Variants in COBL observed in about 807,000 individuals in gnomAD.
The protein encoded by COBL is protein cordon-bleu.
A neutral mutation model predicts 98.8 loss-of-function variants in COBL; 51 were observed. That is an observed-to-expected ratio of 0.52 (90% confidence interval 0.41 to 0.65). The LOEUF (loss-of-function observed/expected upper bound fraction) is 0.65, where lower values mean the gene tolerates loss of function less well. Ranked by LOEUF, COBL falls within the 30% of genes least tolerant of loss-of-function variation. The pLI is 0.00. For synonymous variants in COBL, 634 were observed against 651.7 expected (o/e 0.97, Z 0.41); for missense variants, 1,617 against 1,617.5 (o/e 1.00, Z 0.01).
At chr7:51,173,751 TAGG>T (rs959739806) in intron 5 of COBL, among the ~76,000 whole-genome samples, 2 of 152,244 alleles carry the variant, frequency 1.3e-5, no homozygotes, top group African/African-American at 4.8e-5. Flanking sequence ...ACTGCTGTGT[TAGG>T]AGAATAAATA....
At chr7:51,126,113 A>C (rs912018718) in intron 6 of COBL, among the ~76,000 whole-genome samples, 36 of 152,194 alleles carry the variant, frequency 2.4e-4, no homozygotes, top group African/African-American at 8.4e-4. Flanking sequence ...AGATTACTTG[A>C]GGTCAGGAGT....
chr7:51,315,392 A>G (rs1399290117), intron 1 of COBL, among the ~76,000 whole-genome samples: 1 of 152,206 alleles, frequency 6.6e-6, no homozygotes, highest in African/African-American at 2.4e-5. Flanking sequence ...AAAGAGCCCG[A>G]CTGAAAGTCT....
chr7:51,303,353 A>G (rs979704371), intron 1 of COBL, among the ~76,000 whole-genome samples: 1 of 152,134 alleles, frequency 6.6e-6, no homozygotes, highest in Admixed American at 6.5e-5. Flanking sequence ...CTGACTCAGG[A>G]GCTCAAGACC....
chr7:51,217,381 G>A (rs1355378467), intron 2 of COBL, among the ~76,000 whole-genome samples: 1 of 95,336 alleles, frequency 1.0e-5, no homozygotes, highest in Non-Finnish European at 2.0e-5. Flanking sequence ...CTCTCTTGTT[G>A]CCCAGGCTGT....
chr7:51,277,818 G>A lies in COBL; in HGVS notation c.41+38775C>T, dbSNP rs1799448117. ...CAGAGCCAGGTAAGAACACTCAAGA[G>A]GCACAGCAGATGGACAGACAAGTCA... On this transcript the variant is annotated intron_variant, in intron 1 of 12. Transcript: ENST00000265136. Among the ~76,000 whole-genome samples, 4 of 152,140 alleles carry A rather than the reference G, an allele frequency of 2.6e-5. No individual in the cohort carries two copies. The South Asian group carries it at 8.3e-4, about 31-fold the overall frequency.
chr7:51,134,502 A>G (rs1013106647), intron 6 of COBL, among the ~76,000 whole-genome samples: 7 of 152,238 alleles, frequency 4.6e-5, no homozygotes, highest in Non-Finnish European at 8.8e-5. Context: ...GCAGAAAAAT[A>G]CAACATCTCT....
rs1787934687 is a variant in COBL, at chr7:51,172,196, T to C, written c.783+11906A>G. ...CTTATGATGGTAGTTTCGGGAAGCA[T>C]GAATTCAATTACCCTAATGAAGGCT... is the stretch of plus-strand genomic sequence containing the variant. On this transcript the variant is annotated intron_variant, in intron 5 of 12. Transcript: ENST00000265136. Among the ~76,000 whole-genome samples, 4 of 152,294 alleles carry C rather than the reference T, an allele frequency of 2.6e-5. 1 individual carries two copies. The Middle Eastern group carries it at 0.01, about 391-fold the overall frequency.
At chr7:51,129,876 T>C (rs1050974879) in intron 6 of COBL, among the ~76,000 whole-genome samples, 5 of 152,170 alleles carry the variant, frequency 3.3e-5, no homozygotes, top group Non-Finnish European at 7.3e-5. Context: ...TCTGTTTAGA[T>C]ACCTGTTGCT....
intron 6 of COBL, among the ~76,000 whole-genome samples, chr7:51,110,516 C>T (rs538639194): frequency 7.9e-5 from 12 of 152,318 alleles, no homozygotes; most frequent in African/African-American, 1.4e-4. Flanking sequence ...CATCCGCTGA[C>T]GGACACTTAG....
intron 2 of COBL, among the ~76,000 whole-genome samples, chr7:51,218,482 C>A (rs909691022): frequency 6.6e-6 from 1 of 152,170 alleles, no homozygotes; most frequent in African/African-American, 2.4e-5. Flanking sequence ...TATATCATTT[C>A]TTTTTTTCTG....
intron 1 of COBL, among the ~76,000 whole-genome samples, chr7:51,302,847 C>T (rs923459636): frequency 3.9e-5 from 6 of 152,096 alleles, no homozygotes; most frequent in Non-Finnish European, 5.9e-5. Flanking sequence ...TTAAAGATGA[C>T]GCTATACAGG....
intron 5 of COBL, among the ~76,000 whole-genome samples, chr7:51,154,475 C>G (rs1785903026): frequency 6.6e-6 from 1 of 152,232 alleles, no homozygotes; most frequent in Non-Finnish European, 1.5e-5. Flanking sequence ...AAATCCTGAT[C>G]TGGGGCATGA....
chr7:51,108,956 A>ACAC (rs1004281696), intron 6 of COBL, among the ~76,000 whole-genome samples: 1 of 28,936 alleles, frequency 3.5e-5, no homozygotes, highest in Non-Finnish European at 7.6e-5. Context: ...ACACACACAC[A>ACAC]CCCCCTGCCC....
rs767312720 is a variant in COBL, at chr7:51,043,442, G to A, written c.1347C>T (p.Asp449=). The stretch of plus-strand genomic sequence containing the variant: ...ACAAGGGGCTCTTCTGGGGACCCAG[G>A]TCTGGGGTTCCAGCGAGGTCCTGGT... ...CSDQDLAGTP[D]LGPQKSPLWE... Residue 449 remains aspartate (D), a synonymous_variant, in exon 8 of 13, where the codon GAC becomes GAT. Transcript: ENST00000265136. 6.2e-7 allele frequency: 1 copy of A among 1,614,254 alleles called. No homozygotes were observed. Among genetic ancestry groups the A allele is most frequent in the South Asian group, 1.1e-5 (1 of 91,088 alleles).
chr7:51,062,917 T>C (rs1791530603), intron 7 of COBL, among the ~76,000 whole-genome samples: 1 of 152,136 alleles, frequency 6.6e-6, no homozygotes. Context: ...GTCCTTGACA[T>C]GCATTTGCTC....
chr7:51,119,475 G>A (rs1387228473), intron 6 of COBL, among the ~76,000 whole-genome samples: 2 of 152,174 alleles, frequency 1.3e-5, no homozygotes, highest in East Asian at 1.9e-4. Context: ...AGTAAAAGGA[G>A]GAGGGAGCGA....
At chr7:51,193,157 A>G (rs1352326561) in intron 3 of COBL, among the ~76,000 whole-genome samples, 1 of 152,192 alleles carries the variant, frequency 6.6e-6, no homozygotes, top group East Asian at 1.9e-4. Flanking sequence ...CCTCTTCTAT[A>G]ATATATAAAG....
intron 2 of COBL, among the ~76,000 whole-genome samples, chr7:51,196,505 T>C (rs1053818276): frequency 6.6e-6 from 1 of 152,160 alleles, no homozygotes; most frequent in African/African-American, 2.4e-5. Flanking sequence ...CAGGATGATG[T>C]TGGCCTCACA....
chr7:51,294,932 G>A (rs1042345624), intron 1 of COBL, among the ~76,000 whole-genome samples: 8 of 152,090 alleles, frequency 5.3e-5, no homozygotes, highest in East Asian at 1.9e-4. Context: ...GGCCTGTTGC[G>A]GGGTAGGGGC....
Sources: allele counts gnomAD v4.1 joint callset (sites outside exome capture counted in the v4.1 genomes callset), GRCh38; gene constraint gnomAD v4.1.1; transcripts MANE v1.5; gene names NCBI Gene and HGNC (gene_info 2026-07-23, HGNC 2026-07-21).